The following LYPD1 variants were observed in gnomAD, a reference collection of about 807,000 sequenced individuals.
The protein encoded by LYPD1 is ly6/PLAUR domain-containing protein 1.
LYPD1 carries 14 observed loss-of-function variants against 14.2 expected under a neutral mutation model. The ratio of observed to expected loss-of-function variants is 0.99; its 90% CI spans 0.65 to 1.54. The LOEUF is 1.54. Ranked by LOEUF, LYPD1 falls within the 40% of genes most tolerant of loss-of-function variation. LYPD1 has a pLI of 0.00. For missense variants in LYPD1, 165 were observed against 175.7 expected (o/e 0.94, Z 0.34); for synonymous variants, 85 against 70.6 (o/e 1.20, Z -1.02).
At chr2:132,646,353 C>A in intron 2 of LYPD1, 73 bp from the exon 3 acceptor site, 2 of 1,048,644 alleles carry the variant, frequency 1.9e-6, no homozygotes, top group South Asian at 2.5e-5. Flanking sequence ...CAGCCCAAAT[C>A]CAAACGGACA....
rs1210975128 is a variant in LYPD1, at chr2:132,645,354, C to G, written c.*691G>C. On this transcript the variant is annotated 3_prime_UTR_variant, in exon 3 of 3. Coordinates refer to ENST00000397463, the MANE Select transcript of LYPD1 (RefSeq NM_144586.7). ...GCCTGTCGCTGCAGCACGCCAACCA[C>G]GAGAAGCGCCTGCGCGTACATGCGC... The G allele has an allele frequency of 1.9e-6, 3 of 1,614,130 alleles. No homozygotes were observed. The Admixed American group carries it at 5.0e-5, about 27-fold the overall frequency.
chr2:132,652,761 A>G (rs1352245185), intron 2 of LYPD1, among the ~76,000 whole-genome samples: 1 of 152,204 alleles, frequency 6.6e-6, no homozygotes, highest in African/African-American at 2.4e-5. Flanking sequence ...ATCCTCTTTA[A>G]GTCTTTAGAG....
chr2:132,669,700 G>A lies in LYPD1; in HGVS notation c.52+181C>T. 2 of 1,285,982 alleles carry A rather than the reference G, an allele frequency of 1.6e-6. No homozygotes were observed. The highest frequency in any genetic ancestry group is 1.6e-5 in the South Asian group (1 of 63,282). The allele number at this position is 1,285,982 out of a possible 1,614,324, so 79.7% of individuals were successfully genotyped here. ...CGCCGCTCCCCGCTCTCCTCCTGCA[G>A]CGCGGGACTTGGACACTTTCCCAGC... On this transcript the variant is annotated intron_variant, in intron 1 of 2. Coordinates refer to ENST00000397463, the MANE Select transcript of LYPD1 (RefSeq NM_144586.7). The surrounding 1 kb of genome is among the most constrained non-coding windows in gnomAD (Gnocchi z 4.3).
chr2:132,645,526 C>CTCGAG lies in LYPD1; in HGVS notation c.*514_*518dup, dbSNP rs780653395. On this transcript the variant is annotated 3_prime_UTR_variant, in exon 3 of 3. Coordinates refer to ENST00000397463, the MANE Select transcript of LYPD1 (RefSeq NM_144586.7). Reference sequence around the variant, plus strand: ...CCAGTCTAAGTCCCAGTCATTGAGTCTCGAGTCACTAGAGCCCAACTCAGG... The same window carrying CTCGAG: ...CCAGTCTAAGTCCCAGTCATTGAGTCTCGAGTCGAGTCACTAGAGCCCAACTCAGG... 3 of 1,614,080 alleles carry CTCGAG rather than the reference C, an allele frequency of 1.9e-6. No homozygotes were observed. The highest frequency in any genetic ancestry group is 1.3e-5 in the African/African-American group (1 of 74,934).
intron 2 of LYPD1, among the ~76,000 whole-genome samples, chr2:132,665,475 G>A (rs954977447): frequency 1.3e-5 from 2 of 152,166 alleles, no homozygotes; most frequent in Non-Finnish European, 2.9e-5. Context: ...TGGACTGTTA[G>A]GTGAACTTGG....
intron 2 of LYPD1, 26 bp from the exon 3 acceptor site, chr2:132,646,306 A>C: frequency 7.1e-7 from 1 of 1,402,336 alleles, no homozygotes; most frequent in Non-Finnish European, 9.4e-7. Context: ...AAAGGAGCTG[A>C]GTTAACGTGC....
At chr2:132,656,017 A>G (rs376999912) in intron 2 of LYPD1, among the ~76,000 whole-genome samples, 120 of 152,324 alleles carry the variant, frequency 7.9e-4, no homozygotes, top group African/African-American at 2.7e-3. Flanking sequence ...TTGAAGCTAC[A>G]ATTCTATTAC....
rs538272409 is a variant in LYPD1, at chr2:132,657,327, G to A, written c.191-11047C>T. 1.4e-4 allele frequency among the ~76,000 whole-genome samples: 21 copies of A among 152,238 alleles called. No homozygotes were observed. The South Asian group carries it at 3.1e-3, about 23-fold the overall frequency. ...TGTCTTTGTTCTCCAGTTTGCCATG[G>A]GGGATTGAGGGAACAGATATTTATG... On this transcript the variant is annotated intron_variant, in intron 2 of 2. Coordinates refer to ENST00000397463, the MANE Select transcript of LYPD1 (RefSeq NM_144586.7).
intron 2 of LYPD1, among the ~76,000 whole-genome samples, chr2:132,667,201 A>G (rs1683328297): frequency 6.6e-6 from 1 of 152,206 alleles, no homozygotes; most frequent in African/African-American, 2.4e-5. Flanking sequence ...ATTTCTCGAG[A>G]CAAGTTACCC....
chr2:132,671,165 T>TC (rs1683698144), upstream of LYPD1: 1 of 152,398 alleles, frequency 6.6e-6, no homozygotes, highest in African/African-American at 2.4e-5. Context: ...TTCCGCAAAG[T>TC]CCAAGTGACC....
intron 2 of LYPD1, among the ~76,000 whole-genome samples, chr2:132,660,978 G>C (rs1271719902): frequency 6.6e-6 from 1 of 152,162 alleles, no homozygotes; most frequent in Non-Finnish European, 1.5e-5. Context: ...CAAGGGAAGA[G>C]AGAGAAATGG....
chr2:132,665,397 C>T (rs1251781260), intron 2 of LYPD1, among the ~76,000 whole-genome samples: 1 of 152,214 alleles, frequency 6.6e-6, no homozygotes, highest in African/African-American at 2.4e-5. Context: ...CCACATAGCA[C>T]TCAAACTTAA....
chr2:132,650,191 C>T (rs1035203972), intron 2 of LYPD1, among the ~76,000 whole-genome samples: 1 of 152,072 alleles, frequency 6.6e-6, no homozygotes, highest in African/African-American at 2.4e-5. Context: ...GAAAACGCAA[C>T]AGAGCTTTGA....
intron 2 of LYPD1, among the ~76,000 whole-genome samples, chr2:132,649,383 G>A (rs774923494): frequency 6.6e-6 from 1 of 152,124 alleles, no homozygotes; most frequent in African/African-American, 2.4e-5. Flanking sequence ...TTTGGAGTCT[G>A]CAAAGAAGTG....
chr2:132,651,291 C>CA (rs1682352032), intron 2 of LYPD1, among the ~76,000 whole-genome samples: 1 of 152,168 alleles, frequency 6.6e-6, no homozygotes, highest in Non-Finnish European at 1.5e-5. Flanking sequence ...CTATGTCCAC[C>CA]AGAGGGCTCT....
chr2:132,668,899 A>T (rs192171958), intron 1 of LYPD1, among the ~76,000 whole-genome samples: 79 of 152,314 alleles, frequency 5.2e-4, no homozygotes, highest in African/African-American at 1.5e-3. Flanking sequence ...AAGCCAAAGG[A>T]TTTGCCTAAT....
chr2:132,649,832 G>A lies in LYPD1; in HGVS notation c.191-3552C>T, dbSNP rs188130825. On this transcript the variant is annotated intron_variant, in intron 2 of 2. Transcript: ENST00000397463. ...TAGATCTAAGATTTAAATGTTGGGG[G>A]ATAAAAACCCCATAAAAGTACTAAA... Among the ~76,000 whole-genome samples, 350 of 151,880 alleles carry A rather than the reference G, an allele frequency of 2.3e-3. 2 individuals carry two copies. Among genetic ancestry groups the A allele is most frequent in the Non-Finnish European group, 3.9e-3 (268 of 67,968 alleles).
chr2:132,646,721 A>C (rs1185397958), intron 2 of LYPD1, among the ~76,000 whole-genome samples: 1 of 152,122 alleles, frequency 6.6e-6, no homozygotes, highest in South Asian at 2.1e-4. Flanking sequence ...GCTCTCAACT[A>C]TGTGTTGATG....
In LYPD1 at chr2:132,645,660, G is replaced by A. The variant is rs920729910; in HGVS notation, c.*385C>T. On this transcript the variant is annotated 3_prime_UTR_variant, in exon 3 of 3. Transcript: ENST00000397463. ...ACTGGCCCTCCAGCCCTAAGAAAAC[G>A]TCACTCTCACTCTGCAGTCTCAAAC... 1.3e-6 allele frequency: 2 copies of A among 1,561,728 alleles called. No individual in the cohort carries two copies. The highest frequency in any genetic ancestry group is 2.7e-5 in the African/African-American group (2 of 73,086).
Sources: allele counts gnomAD v4.1 joint callset (sites outside exome capture counted in the v4.1 genomes callset), GRCh38; gene constraint gnomAD v4.1.1; non-coding constraint Gnocchi (gnomAD v3.1); transcripts MANE v1.5; gene names NCBI Gene and HGNC (gene_info 2026-07-23, HGNC 2026-07-21).